FOXN3: variants seen among roughly 807,000 people sequenced by gnomAD.
FOXN3 encodes the protein forkhead box protein N3.
A neutral mutation model predicts 38.4 loss-of-function variants in FOXN3; 7 were observed. The ratio of observed to expected loss-of-function variants is 0.18; its 90% confidence interval spans 0.10 to 0.34. The LOEUF is 0.34. FOXN3 is among the 10% of genes least tolerant of loss of function. The probability of loss-of-function intolerance (pLI) is 1.00; values close to 1 mark genes in which losing one functional copy is unlikely to be tolerated. For missense variants in FOXN3, 456 were observed against 613.4 expected (o/e 0.74, Z 2.71); for synonymous variants, 230 against 242.2 (o/e 0.95, Z 0.47).
rs541772565 is a variant in FOXN3 at position 89,169,732 on chromosome 14, T to C, written c.852-6763A>G. ...ATGCTAAAAGTTCTAGGATCAACACTAAATGAAGAAAAACAGAATGGGTAA... is the reference window on the plus strand; with the variant it reads ...ATGCTAAAAGTTCTAGGATCAACACCAAATGAAGAAAAACAGAATGGGTAA... On this transcript the variant is annotated intron_variant, in intron 5 of 5. Coordinates refer to ENST00000557258, the MANE Select transcript of FOXN3 (RefSeq NM_005197.4). Among the ~76,000 whole-genome samples the C allele has an allele frequency of 3.6e-4, 54 of 152,048 alleles. No individual in the cohort carries two copies. In the South Asian group the frequency reaches 7.7e-3, roughly 22 times the overall value.
At chr14:89,403,582 G>T (rs1891306965) in intron 2 of FOXN3, among the ~76,000 whole-genome samples, 1 of 152,230 alleles carries the variant, frequency 6.6e-6, no homozygotes, top group Non-Finnish European at 1.5e-5. Context: ...CAGCCAAAAT[G>T]ATTTCAAAGG....
intron 1 of FOXN3, among the ~76,000 whole-genome samples, chr14:89,415,619 AAAAAAAAAAAAAC>A (rs1891676105): frequency 2.0e-5 from 3 of 150,796 alleles, no homozygotes; most frequent in East Asian, 1.9e-4. Context: ...AAAAAAAAAA[AAAAAAAAAAAAAC>A]AGTTCCCAGA....
chr14:89,181,981 A>G (rs185970492), intron 4 of FOXN3, among the ~76,000 whole-genome samples: 1 of 152,298 alleles, frequency 6.6e-6, no homozygotes, highest in Non-Finnish European at 1.5e-5. Flanking sequence ...CATGGGTTCA[A>G]GACTCCCCAG....
chr14:89,595,857 T>C (rs1243262928), intron 1 of FOXN3, among the ~76,000 whole-genome samples: 2 of 152,250 alleles, frequency 1.3e-5, no homozygotes, highest in Non-Finnish European at 2.9e-5. Context: ...TATATGCTTC[T>C]TACAGTAAGA....
intron 5 of FOXN3, among the ~76,000 whole-genome samples, chr14:89,170,179 A>G (rs1413030580): frequency 1.3e-5 from 2 of 152,242 alleles, no homozygotes; most frequent in Admixed American, 1.3e-4. Flanking sequence ...CATTCTAAAC[A>G]TTCACAGTTT....
intron 3 of FOXN3, among the ~76,000 whole-genome samples, chr14:89,329,720 G>A (rs1303057771): frequency 6.6e-6 from 1 of 151,946 alleles, no homozygotes; most frequent in Non-Finnish European, 1.5e-5. Flanking sequence ...TTAGCCGGGT[G>A]TGGTGGCGGG....
intron 3 of FOXN3, among the ~76,000 whole-genome samples, chr14:89,330,422 G>A (rs925980736): frequency 1.3e-5 from 2 of 152,180 alleles, no homozygotes; most frequent in Admixed American, 6.5e-5. Context: ...GGCTCACCCC[G>A]AGTCTTCTGA....
rs192805697 is a variant in FOXN3 at position 89,577,321 on chromosome 14, A to G, written c.-15+41707T>C. ...TCTCAAGTACAATCACATAATTTTG[A>G]AAATCCATGTAGTCCTCCATAAATA... On this transcript the variant is annotated intron_variant, in intron 1 of 6. Coordinates refer to the FOXN3 transcript ENST00000345097. 5 of 152,308 alleles carry G rather than the reference A, an allele frequency of 3.3e-5. No individual in the cohort carries two copies. The East Asian group carries it at 9.7e-4, about 29-fold the overall frequency. 9.4% of individuals were successfully genotyped at this position (152,308 alleles called of 1,614,324 possible).
Position 89,412,057 on chromosome 14 carries a change from G to A in FOXN3, c.420C>T (p.Ile140=), listed in dbSNP as rs371942997. Residue 140 remains isoleucine, a synonymous_variant, in exon 2 of 6, where the codon ATC becomes ATT. Coordinates refer to ENST00000557258, the MANE Select transcript of FOXN3 (RefSeq NM_005197.4). The surrounding 1 kb of genome is among the most constrained non-coding windows in gnomAD (Gnocchi z 4.7). ...SPTKRLPVKD[I]YNWILEHFPY... ...GAAAATGTTCCAAGATCCAGTTGTA[G>A]ATATCCTTCACTGGCAGGCGCTTGG... 2.2e-5 allele frequency: 36 copies of A among 1,613,624 alleles called. No homozygotes were observed. The highest frequency in any genetic ancestry group is 2.7e-5 in the Non-Finnish European group (32 of 1,179,892).
At chr14:89,183,926 G>A (rs114436067) in intron 4 of FOXN3, 28 of 152,256 alleles carry the variant, frequency 1.8e-4, no homozygotes, top group African/African-American at 6.7e-4. Flanking sequence ...AGTAAGATGG[G>A]GGACAAAAAT....
At chr14:89,337,380 A>C (rs1182111957) in intron 3 of FOXN3, among the ~76,000 whole-genome samples, 2 of 152,200 alleles carry the variant, frequency 1.3e-5, no homozygotes, top group Non-Finnish European at 2.9e-5. Flanking sequence ...AGTGACTGCC[A>C]AGAGATTTAA....
chr14:89,611,805 C>CA (rs56373132), intron 1 of FOXN3, among the ~76,000 whole-genome samples: 7,466 of 87,414 alleles, frequency 0.085, 438 homozygotes, highest in African/African-American at 0.15. Context: ...GACTCCGTCT[C>CA]AAAAAAAAAA....
chr14:89,510,561 T>G (rs543534030), intron 1 of FOXN3, among the ~76,000 whole-genome samples: 6 of 151,910 alleles, frequency 3.9e-5, no homozygotes, highest in East Asian at 1.9e-4. Context: ...AGGGGGTGGG[T>G]AGCTCCACCT....
intron 4 of FOXN3, among the ~76,000 whole-genome samples, chr14:89,231,366 T>C (rs755644106): frequency 6.6e-6 from 1 of 152,150 alleles, no homozygotes; most frequent in Admixed American, 6.5e-5. Flanking sequence ...AGAGAGACAC[T>C]AGCTGGCCTG....
At chr14:89,336,033 CTTTT>C (rs952492884) in intron 3 of FOXN3, among the ~76,000 whole-genome samples, 2 of 152,124 alleles carry the variant, frequency 1.3e-5, no homozygotes, top group East Asian at 3.9e-4. Context: ...GTTTGACTCT[CTTTT>C]TTTCTTATTA....
intron 3 of FOXN3, among the ~76,000 whole-genome samples, chr14:89,344,624 T>A (rs1208946140): frequency 6.6e-6 from 1 of 152,244 alleles, no homozygotes; most frequent in Non-Finnish European, 1.5e-5. Context: ...AGAGCTGCTG[T>A]TTATAGGGTG....
intron 5 of FOXN3, among the ~76,000 whole-genome samples, chr14:89,177,304 C>A (rs1197128752): frequency 6.6e-6 from 1 of 152,188 alleles, no homozygotes; most frequent in East Asian, 1.9e-4. Flanking sequence ...AGCCATCGTG[C>A]CCGGCCTCTT....
intron 5 of FOXN3, among the ~76,000 whole-genome samples, chr14:89,173,788 C>T (rs867768034): frequency 1.3e-5 from 2 of 152,088 alleles, no homozygotes; most frequent in African/African-American, 2.4e-5. Context: ...CCCAGGAGTT[C>T]GAGATCAGCC....
chr14:89,589,759 T>C (rs1182875106), intron 1 of FOXN3, among the ~76,000 whole-genome samples: 1 of 151,888 alleles, frequency 6.6e-6, no homozygotes, highest in Non-Finnish European at 1.5e-5. Flanking sequence ...CTATTCCTAG[T>C]GATTTTTATT....
Sources: allele counts gnomAD v4.1 joint callset (sites outside exome capture counted in the v4.1 genomes callset), GRCh38; gene constraint gnomAD v4.1.1; non-coding constraint Gnocchi (gnomAD v3.1); transcripts MANE v1.5; gene names NCBI Gene and HGNC (gene_info 2026-07-23, HGNC 2026-07-21).